Variants in ADCY6 observed in about 807,000 individuals in gnomAD.
ADCY6 encodes adenylate cyclase 6, also known as adenylate cyclase type 6.
In ADCY6, 59 loss-of-function variants were observed where a neutral mutation model predicts 111.6. The observed-to-expected ratio is 0.53, with a 90% CI of 0.43 to 0.66. The LOEUF (loss-of-function observed/expected upper bound fraction) is 0.66, where lower values mean the gene tolerates loss of function less well. Ranked by LOEUF, ADCY6 falls within the 30% of genes least tolerant of loss-of-function variation. ADCY6 has a pLI of 0.00. For synonymous variants in ADCY6, 576 were observed against 642.9 expected, an observed-to-expected ratio of 0.90 and a Z score of 1.57; for missense variants, 1,242 against 1,595.6, an observed-to-expected ratio of 0.78 and a Z score of 3.78.
In ADCY6 at chr12:48,770,808, G is replaced by A; in HGVS notation, c.3214C>T (p.His1072Tyr). ...TTGTTGAAGGAGTGCTCATTGATGT[G>A]CTTCATCTGCTCCATGAGCCGCATG... The part of the protein sequence containing the change: ...YAMRLMEQMK[H>Y]INEHSFNNFQ... Residue 1072 changes from histidine to tyrosine, a missense_variant, in exon 20 of 22, where the codon CAC becomes TAC. Around this residue, in one of 4 missense-constraint regions of ADCY6, gnomAD observed 245 missense variants for 371.3 expected, o/e 0.66. Coordinates refer to ENST00000357869, the MANE Select transcript of ADCY6 (RefSeq NM_015270.5). 2 of 1,614,192 alleles carry A rather than the reference G, an allele frequency of 1.2e-6. No homozygotes were observed. The highest frequency in any genetic ancestry group is 1.1e-5 in the South Asian group (1 of 91,084).
rs149376950 is a variant in ADCY6 at position 48,775,325 on chromosome 12, T to C, written c.1958A>G (p.Gln653Arg). 6.1e-5 allele frequency: 98 copies of C among 1,613,932 alleles called. No individual in the cohort carries two copies. The highest frequency in any genetic ancestry group is 8.0e-5 in the Non-Finnish European group (94 of 1,179,984). Reference sequence around the variant, plus strand: ...AACCTTCTTCTCAAGATCCTCTCTCTGGAAGGTGAGCAGAAACCGGCGCAC... The same window carrying C: ...AACCTTCTTCTCAAGATCCTCTCTCCGGAAGGTGAGCAGAAACCGGCGCAC... ...DHVRRFLLTF[Q>R]REDLEKKYSR... The change falls in exon 11 of 22, where the codon CAG becomes CGG. Residue 653 changes from glutamine (Q) to arginine (R), a missense_variant. Gln to Arg is a conservative substitution (Grantham distance 43). Transcript: ENST00000357869.
Position 48,777,571 on chromosome 12 carries a change from C to T in ADCY6, c.1136+44G>A, listed in dbSNP as rs767040322. On this transcript the variant is annotated intron_variant, in intron 4 of 21. Coordinates refer to ENST00000357869, the MANE Select transcript of ADCY6 (RefSeq NM_015270.5). The surrounding 1 kb of genome is among the most constrained non-coding windows in gnomAD (Gnocchi z 4.9). ...CAGAACACATAGCCCTCAAAGACTT[C>T]CAGACCCCCCGCCCTGCTGGGCATC... is the stretch of plus-strand genomic sequence containing the variant. 1 of 1,614,072 alleles carries T rather than the reference C, an allele frequency of 6.2e-7. No individual in the cohort carries two copies. Among genetic ancestry groups the T allele is most frequent in the Non-Finnish European group, 8.5e-7 (1 of 1,179,898 alleles).
At chr12:48,773,773 C>T (rs906008743) in intron 15 of ADCY6, 126 bp from the exon 16 acceptor site, 3 of 1,446,026 alleles carry the variant, frequency 2.1e-6, no homozygotes, top group Non-Finnish European at 2.9e-6. Context: ...CCATATCCTC[C>T]ACCTTCCATG....
In ADCY6 at chr12:48,774,400, A is replaced by C; in HGVS notation, c.2283+2T>G. The C allele has an allele frequency of 6.2e-7, 1 of 1,610,340 alleles. No homozygotes were observed. The highest frequency in any genetic ancestry group is 1.7e-5 in the Admixed American group (1 of 60,006). On this transcript the variant is annotated splice_donor_variant, in intron 14 of 21. Transcript: ENST00000357869. LOFTEE classifies it high-confidence loss of function. ...GTGGGAGAATTCCCACTGGACCCTTACCATGTTGGCAATGGCAGAAGTAAA... is the reference window on the plus strand; with the variant it reads ...GTGGGAGAATTCCCACTGGACCCTTCCCATGTTGGCAATGGCAGAAGTAAA...
intron 1 of ADCY6, among the ~76,000 whole-genome samples, chr12:48,787,648 C>T (rs1255109395): frequency 6.6e-6 from 1 of 152,220 alleles, no homozygotes; most frequent in Non-Finnish European, 1.5e-5. Flanking sequence ...ACTATGAGCC[C>T]TGGGAGCACA....
chr12:48,784,664 A>AGTTTT (rs1941942375), intron 1 of ADCY6, among the ~76,000 whole-genome samples: 1 of 84,220 alleles, frequency 1.2e-5, no homozygotes, highest in Non-Finnish European at 2.4e-5. Context: ...AAAAATCTGG[A>AGTTTT]GTTTTTTTTT....
chr12:48,771,603 G>A lies in ADCY6; in HGVS notation c.3051+107C>T. 1 of 1,543,192 alleles carries A rather than the reference G, an allele frequency of 6.5e-7. No homozygotes were observed. Among genetic ancestry groups the A allele is most frequent in the Non-Finnish European group, 8.9e-7 (1 of 1,128,188 alleles). Reference sequence around the variant, plus strand: ...CATACCCTTACCCCTGATGACTCTGGGTCCCATCAAATCTCTCTCTCTCTT... The same window carrying A: ...CATACCCTTACCCCTGATGACTCTGAGTCCCATCAAATCTCTCTCTCTCTT... On this transcript the variant is annotated intron_variant, in intron 19 of 21. Coordinates refer to ENST00000357869, the MANE Select transcript of ADCY6 (RefSeq NM_015270.5). The surrounding 1 kb of genome is among the most constrained non-coding windows in gnomAD (Gnocchi z 4.3).
chr12:48,783,679 A>G (rs1941915719), intron 1 of ADCY6: 2 of 854,274 alleles, frequency 2.3e-6, no homozygotes, highest in South Asian at 3.6e-5. Flanking sequence ...ACAGTGGCTT[A>G]CACCTGTAAT....
rs545851725 is a variant in ADCY6 at position 48,780,898 on chromosome 12, G to A, written c.864+1673C>T. ...TATAAAGTTACTTTTAAAAAGGTAC[G>A]TTCTGGCATTCTGGCATTCTGGCCA... On this transcript the variant is annotated intron_variant, in intron 2 of 21. Transcript: ENST00000357869. 3.3e-5 allele frequency among the ~76,000 whole-genome samples: 5 copies of A among 152,284 alleles called. No homozygotes were observed. The East Asian group carries it at 5.8e-4, about 18-fold the overall frequency.
Position 48,782,636 on chromosome 12 carries a change from G to A in ADCY6, c.799C>T (p.Leu267Phe). Reference sequence around the variant, plus strand: ...GCCAAGATCAAATGCAAGGTGGAGAGGCCCAGGCCGCTGAGGACGGCAGCC... The same window carrying A: ...GCCAAGATCAAATGCAAGGTGGAGAAGCCCAGGCCGCTGAGGACGGCAGCC... ...MRAAVLSGLG[L>F]STLHLILAWQ... The change falls in exon 2 of 22, where the codon CTC (leucine) becomes TTC (phenylalanine). Residue 267 changes from leucine (L) to phenylalanine (F), a missense_variant. This residue lies in a region of ADCY6 where 260 missense variants were observed against 414.6 expected (regional missense o/e 0.63). Coordinates refer to ENST00000357869, the MANE Select transcript of ADCY6 (RefSeq NM_015270.5). The surrounding 1 kb of genome is among the most constrained non-coding windows in gnomAD (Gnocchi z 4.3). 5.0e-6 allele frequency: 8 copies of A among 1,609,038 alleles called. No individual in the cohort carries two copies. The highest frequency in any genetic ancestry group is 6.8e-6 in the Non-Finnish European group (8 of 1,177,400).
chr12:48,786,181 G>A (rs918891106), intron 1 of ADCY6, among the ~76,000 whole-genome samples: 1 of 152,164 alleles, frequency 6.6e-6, no homozygotes, highest in African/African-American at 2.4e-5. Context: ...GCCCCAGGTG[G>A]CCATAGAATG....
chr12:48,777,220 G>A lies in ADCY6; in HGVS notation c.1260C>T (p.Cys420=). ...AGTCCCCCAAGATCTTGATCCTCAGGCAGTGATTCTCCTGAATGGGAAGGA... is the reference window on the plus strand; with the variant it reads ...AGTCCCCCAAGATCTTGATCCTCAGACAGTGATTCTCCTGAATGGGAAGGA... ...RFDKLAAENH[C]LRIKILGDCY... is the part of the protein sequence containing the mutation. Residue 420 remains cysteine, a synonymous_variant, in exon 6 of 22, where the codon TGC becomes TGT. Transcript: ENST00000357869. This position sits in a 1 kb window ranked among gnomAD's most constrained non-coding sequence, Gnocchi z 4.9. 3 of 1,613,420 alleles carry A rather than the reference G, an allele frequency of 1.9e-6. No individual in the cohort carries two copies. Among genetic ancestry groups the A allele is most frequent in the Non-Finnish European group, 2.5e-6 (3 of 1,179,830 alleles).
At chr12:48,778,027 C>G in intron 3 of ADCY6, 81 bp downstream of exon 3, 1 of 1,523,880 alleles carries the variant, frequency 6.6e-7, no homozygotes, top group African/African-American at 1.4e-5. Context: ...CTGCACGGAA[C>G]TGGACAAGGC....
chr12:48,770,727 A>T, intron 20 of ADCY6, 39 bp downstream of exon 20: 2 of 1,592,928 alleles, frequency 1.3e-6, no homozygotes, highest in Non-Finnish European at 1.7e-6. Context: ...ACCTGGAAAA[A>T]GTCCTGGGAA....
At chr12:48,785,444 A>AC (rs2137396985) in intron 1 of ADCY6, among the ~76,000 whole-genome samples, 1 of 152,108 alleles carries the variant, frequency 6.6e-6, no homozygotes, top group East Asian at 1.9e-4. Flanking sequence ...ACATGGTGAA[A>AC]CCCCATTTCT....
chr12:48,780,947 T>G (rs868728701), intron 2 of ADCY6, among the ~76,000 whole-genome samples: 2 of 152,148 alleles, frequency 1.3e-5, no homozygotes, highest in African/African-American at 2.4e-5. Flanking sequence ...ACGCTTGTAA[T>G]CCCAGCACTT....
At position 48,776,790 on chromosome 12, in the gene ADCY6, C is replaced by G. The variant is rs1447834345; in HGVS notation, c.1377-204G>C. On this transcript the variant is annotated intron_variant, in intron 6 of 21. Transcript: ENST00000357869. The surrounding 1 kb of genome is among the most constrained non-coding windows in gnomAD (Gnocchi z 6.1). The stretch of plus-strand genomic sequence containing the variant: ...AAGGCTGTGTTCAACAGCAGGGGCC[C>G]AGCAGCATCTTATGGAACTGAGCTA... 6.6e-6 allele frequency among the ~76,000 whole-genome samples: 1 copy of G among 152,194 alleles called. No homozygotes were observed. The highest frequency in any genetic ancestry group is 6.5e-5 in the Admixed American group (1 of 15,276).
chr12:48,768,571 G>C lies in ADCY6; in HGVS notation c.*20C>G, dbSNP rs1046675836. The C allele has an allele frequency of 1.9e-6, 3 of 1,613,900 alleles. No individual in the cohort carries two copies. The highest frequency in any genetic ancestry group is 1.3e-5 in the African/African-American group (1 of 74,892). On this transcript the variant is annotated 3_prime_UTR_variant, in exon 22 of 22. Coordinates refer to ENST00000357869, the MANE Select transcript of ADCY6 (RefSeq NM_015270.5). ...AATGCCCACCTTGGTCCCTTCAGCTGAATTTGTGGCTGGGCCCTGTTAACT... is the reference window on the plus strand; with the variant it reads ...AATGCCCACCTTGGTCCCTTCAGCTCAATTTGTGGCTGGGCCCTGTTAACT...
rs1194814957 is a variant in ADCY6, at chr12:48,783,178, G to A, written c.257C>T (p.Ala86Val). 1 of 1,606,688 alleles carries A rather than the reference G, an allele frequency of 6.2e-7. No individual in the cohort carries two copies. Among genetic ancestry groups the A allele is most frequent in the East Asian group, 2.2e-5 (1 of 44,886 alleles). ...PGKGKELGLR[A>V]VALGFEDTEV... ...GGTATCCTCGAAGCCCAGGGCCACTGCCCGCAGCCCCAGCTCCTTGCCCTT... is the reference window on the plus strand; with the variant it reads ...GGTATCCTCGAAGCCCAGGGCCACTACCCGCAGCCCCAGCTCCTTGCCCTT... Residue 86 changes from alanine to valine, a missense_variant, in exon 2 of 22, where the codon GCA becomes GTA. By Grantham distance (64) the Ala-to-Val change is moderately conservative. Around this residue, in one of 4 missense-constraint regions of ADCY6, gnomAD observed 362 missense variants for 377.2 expected, o/e 0.96. Coordinates refer to ENST00000357869, the MANE Select transcript of ADCY6 (RefSeq NM_015270.5).
Sources: allele counts gnomAD v4.1 joint callset (sites outside exome capture counted in the v4.1 genomes callset), GRCh38; gene constraint gnomAD v4.1.1; regional missense constraint gnomAD v4.1.1; non-coding constraint Gnocchi (gnomAD v3.1); transcripts MANE v1.5; gene names NCBI Gene and HGNC (gene_info 2026-07-23, HGNC 2026-07-21).